DUSP22: variants seen among roughly 807,000 people sequenced by gnomAD.
The protein encoded by DUSP22 is dual specificity phosphatase 22.
In DUSP22, 24 loss-of-function variants were observed where a neutral mutation model predicts 24.5. The observed-to-expected ratio is 0.98, with a 90% CI of 0.71 to 1.38. DUSP22 has a LOEUF of 1.38. Ranked by LOEUF, DUSP22 falls within the 40% of genes most tolerant of loss-of-function variation. DUSP22 has a pLI of 0.00. For missense variants in DUSP22, 330 were observed against 269.2 expected (o/e 1.23, Z -1.58); for synonymous variants, 160 against 106.4 (o/e 1.50, Z -3.10).
intron 1 of DUSP22, 89 bp downstream of exon 1, chr6:292,649 G>A (rs1377484906): frequency 6.0e-6 from 9 of 1,508,506 alleles, no homozygotes; most frequent in African/African-American, 1.4e-5. Flanking sequence ...ACTCGAGCCC[G>A]GGGTGCCCTT....
chr6:330,466 A>T (rs1759092297), intron 3 of DUSP22, among the ~76,000 whole-genome samples: 1 of 152,068 alleles, frequency 6.6e-6, no homozygotes, highest in Non-Finnish European at 1.5e-5. Flanking sequence ...AGAACAGTGA[A>T]TGTTAGAAAT....
intron 1 of DUSP22, among the ~76,000 whole-genome samples, chr6:300,402 A>G (rs2127390434): frequency 6.6e-6 from 1 of 152,418 alleles, no homozygotes; most frequent in East Asian, 1.9e-4. Flanking sequence ...GAAGAGTCAC[A>G]CAATCAACTT....
chr6:336,579 T>C (rs1316794977), intron 4 of DUSP22, among the ~76,000 whole-genome samples: 1 of 152,306 alleles, frequency 6.6e-6, no homozygotes, highest in African/African-American at 2.4e-5. Flanking sequence ...TGGAGTAAGA[T>C]GGGTTGACAT....
At chr6:315,754 G>A (rs949624492) in intron 3 of DUSP22, among the ~76,000 whole-genome samples, 1 of 152,306 alleles carries the variant, frequency 6.6e-6, no homozygotes, top group Non-Finnish European at 1.5e-5. Flanking sequence ...TGAAGACAAA[G>A]GGTTACTGAT....
At chr6:310,464 ATCT>A (rs1229154906) in intron 2 of DUSP22, among the ~76,000 whole-genome samples, 1 of 152,298 alleles carries the variant, frequency 6.6e-6, no homozygotes, top group Non-Finnish European at 1.5e-5. Flanking sequence ...TAATTTTGTT[ATCT>A]TCTTAGTTTC....
intron 6 of DUSP22, 153 bp downstream of exon 6, chr6:348,427 AGTC>A (rs1759994059): frequency 1.1e-5 from 14 of 1,275,898 alleles, no homozygotes; most frequent in Middle Eastern, 1.9e-4. Context: ...CCCCTTCAGA[AGTC>A]GTCACGATCC....
chr6:330,880 A>G (rs1759110499), intron 3 of DUSP22, among the ~76,000 whole-genome samples: 1 of 152,292 alleles, frequency 6.6e-6, no homozygotes, highest in Non-Finnish European at 1.5e-5. Context: ...GTGGTTTTAT[A>G]CCGGTTGTTC....
At chr6:327,479 C>G (rs775289007) in intron 3 of DUSP22, among the ~76,000 whole-genome samples, 1 of 152,308 alleles carries the variant, frequency 6.6e-6, no homozygotes, top group Non-Finnish European at 1.5e-5. Flanking sequence ...CCTCCTCATG[C>G]ATTCCTTTCT....
At chr6:342,621 A>T (rs1353224195) in intron 4 of DUSP22, among the ~76,000 whole-genome samples, 1 of 152,310 alleles carries the variant, frequency 6.6e-6, no homozygotes, top group East Asian at 1.9e-4. Context: ...GAATTTGGCC[A>T]TGAGTGGCAG....
chr6:328,333 T>G (rs1040231455), intron 3 of DUSP22, among the ~76,000 whole-genome samples: 2 of 152,306 alleles, frequency 1.3e-5, no homozygotes, highest in African/African-American at 2.4e-5. Context: ...CTCACTGCCT[T>G]CCCATAACCC....
intron 3 of DUSP22, among the ~76,000 whole-genome samples, chr6:330,152 C>A (rs1759076914): frequency 6.6e-6 from 1 of 152,304 alleles, no homozygotes; most frequent in South Asian, 2.1e-4. Context: ...GCTCACCATA[C>A]CGTCACTGCT....
At chr6:307,174 C>T (rs1438187568) in intron 2 of DUSP22, among the ~76,000 whole-genome samples, 1 of 152,310 alleles carries the variant, frequency 6.6e-6, no homozygotes, top group Non-Finnish European at 1.5e-5. Context: ...TTATCCTGCT[C>T]TTTTAAAATT....
chr6:335,323 C>G (rs998849686), intron 4 of DUSP22, among the ~76,000 whole-genome samples, 160 bp downstream of exon 4: 1 of 152,308 alleles, frequency 6.6e-6, no homozygotes, highest in Non-Finnish European at 1.5e-5. Flanking sequence ...CAACGCTAGG[C>G]AGGCTGGGAT....
At chr6:337,539 A>G (rs1305101790) in intron 4 of DUSP22, among the ~76,000 whole-genome samples, 1 of 152,294 alleles carries the variant, frequency 6.6e-6, no homozygotes, top group Non-Finnish European at 1.5e-5. Flanking sequence ...TCTGAGTTCT[A>G]GGTCTCGTGG....
chr6:342,829 A>G (rs1197204383), intron 4 of DUSP22, among the ~76,000 whole-genome samples: 2 of 152,310 alleles, frequency 1.3e-5, no homozygotes, highest in Non-Finnish European at 1.5e-5. Flanking sequence ...TTCAACATGG[A>G]CAGAGCTGCA....
At chr6:308,074 C>T (rs1470708346) in intron 2 of DUSP22, among the ~76,000 whole-genome samples, 4 of 151,512 alleles carry the variant, frequency 2.6e-5, no homozygotes, top group Admixed American at 1.3e-4. Context: ...AAGGTCATTC[C>T]CTCCAGGGCT....
chr6:316,821 A>T (rs1300803344), intron 3 of DUSP22, among the ~76,000 whole-genome samples: 1 of 152,306 alleles, frequency 6.6e-6, no homozygotes, highest in Admixed American at 6.5e-5. Flanking sequence ...TTACCTTTTT[A>T]AAAATGACAC....
chr6:338,718 A>T (rs1241295225), intron 4 of DUSP22, among the ~76,000 whole-genome samples: 1 of 152,302 alleles, frequency 6.6e-6, no homozygotes, highest in Non-Finnish European at 1.5e-5. Context: ...TATGTTGCTC[A>T]TTGTTTTAAA....
Position 350,237 on chromosome 6 carries a change from C to T in DUSP22, c.*1286C>T. ...CTATTTAAAGTTGCCAGTTTGGGCT[C>T]CAGTAATGCTTTCTGGTGGGTAAAA... On this transcript the variant is annotated 3_prime_UTR_variant, in exon 7 of 7. Transcript: ENST00000419235. 1.0e-6 allele frequency: 1 copy of T among 988,134 alleles called. No individual in the cohort carries two copies. The highest frequency in any genetic ancestry group is 1.2e-6 in the Non-Finnish European group (1 of 831,872). The allele number at this position is 988,134 out of a possible 1,614,324, so 61.2% of individuals were successfully genotyped here.
Sources: gnomAD v4.1 joint callset for allele counts (sites outside exome capture counted in the v4.1 genomes callset) on GRCh38, gnomAD v4.1.1 for gene constraint, MANE v1.5 for transcripts, NCBI Gene and HGNC (gene_info 2026-07-23, HGNC 2026-07-21) for gene names.